The following ZRSR2 variants were observed in gnomAD, a reference collection of about 807,000 sequenced individuals.
ZRSR2 encodes the protein zinc finger CCCH-type, RNA binding motif and serine/arginine rich 2.
A neutral mutation model predicts 39.4 loss-of-function variants in ZRSR2; 3 were observed. The ratio of observed to expected loss-of-function variants is 0.08; its 90% CI spans 0.03 to 0.20. The LOEUF (loss-of-function observed/expected upper bound fraction) is 0.20. Ranked by LOEUF, ZRSR2 falls within the 10% of genes least tolerant of loss-of-function variation. The probability of loss-of-function intolerance (pLI) is 1.00; values close to 1 mark genes in which losing one functional copy is unlikely to be tolerated. For missense variants in ZRSR2, 256 were observed against 391.5 expected (o/e 0.65, Z 2.92); for synonymous variants, 137 against 136.0 (o/e 1.01, Z -0.05).
intron 5 of ZRSR2, among the ~76,000 whole-genome samples, chrX:15,805,436 G>A (rs967600344): frequency 1.8e-5 from 2 of 111,949 alleles, no homozygotes; most frequent in Non-Finnish European, 3.8e-5. Flanking sequence ...AAGGAGAAAT[G>A]AGGGAAATGA....
At chrX:15,793,200 T>TA (rs1932338509) in intron 2 of ZRSR2, among the ~76,000 whole-genome samples, 1 of 112,442 alleles carries the variant, frequency 8.9e-6, no homozygotes, top group Non-Finnish European at 1.9e-5. Context: ...TTCTAAATAT[T>TA]ATATATTCTA....
In ZRSR2 at chrX:15,797,716, A is replaced by G. The variant is rs141778619; in HGVS notation, c.122-2156A>G. 6.6e-3 allele frequency among the ~76,000 whole-genome samples: 725 copies of G among 110,236 alleles called. 3 individuals are homozygous for G. Among genetic ancestry groups the G allele is most frequent in the East Asian group, 8.5e-3 (30 of 3,541 alleles). ...GTGTGTTTACTGAAAAAAAATCTGT[A>G]TTTAAATAGACCAAGGTGGTTCAAA... is the stretch of plus-strand genomic sequence containing the variant. On this transcript the variant is annotated intron_variant, in intron 2 of 10. Coordinates refer to ENST00000307771, the MANE Select transcript of ZRSR2 (RefSeq NM_005089.4).
intron 1 of ZRSR2, 43 bp downstream of exon 1, chrX:15,790,579 G>C: frequency 4.3e-6 from 5 of 1,153,400 alleles, no homozygotes; most frequent in Non-Finnish European, 5.8e-6. Context: ...CGGGCCGATC[G>C]TGGGCATGGA....
intron 7 of ZRSR2, among the ~76,000 whole-genome samples, chrX:15,811,152 T>C (rs1051985580): frequency 2.7e-5 from 3 of 111,171 alleles, no homozygotes; most frequent in African/African-American, 9.8e-5. Flanking sequence ...AGAGACTTTA[T>C]TCCCTTTGAT....
intron 8 of ZRSR2, among the ~76,000 whole-genome samples, chrX:15,817,921 T>C (rs1933010920): frequency 8.9e-6 from 1 of 112,540 alleles, no homozygotes; most frequent in Non-Finnish European, 1.9e-5. Context: ...ACTATTGATA[T>C]AAAATTTTAA....
intron 2 of ZRSR2, among the ~76,000 whole-genome samples, chrX:15,798,359 T>G (rs1037937944): frequency 8.9e-6 from 1 of 112,295 alleles, no homozygotes. Context: ...ATGTTTTTAT[T>G]TGGGAAATGT....
chrX:15,791,960 C>T (rs1367384241), intron 2 of ZRSR2, among the ~76,000 whole-genome samples: 2 of 112,034 alleles, frequency 1.8e-5, no homozygotes, highest in Non-Finnish European at 3.8e-5. Context: ...CCGCCCCTGG[C>T]CCACCTGGCT....
At chrX:15,820,696 CTGTT>C (rs1163526635) in intron 10 of ZRSR2, among the ~76,000 whole-genome samples, 9 of 112,276 alleles carry the variant, frequency 8.0e-5, no homozygotes, top group East Asian at 5.6e-4. Flanking sequence ...TTCACTTGAG[CTGTT>C]TGTTTGTTTC....
At chrX:15,792,486 G>A (rs1035734047) in intron 2 of ZRSR2, among the ~76,000 whole-genome samples, 5 of 111,867 alleles carry the variant, frequency 4.5e-5, no homozygotes, top group Non-Finnish European at 9.4e-5. Flanking sequence ...TTACACATTC[G>A]GTAAAATTTA....
rs1333101320 is a variant in ZRSR2 at position 15,799,732 on chromosome X, T to C, written c.122-140T>C. ...CTTGTGTTGTACCAAAGAAGGTTGA[T>C]CAGAGACCTTTTTGTTAGAAAGTTT... On this transcript the variant is annotated intron_variant, in intron 2 of 10. Coordinates refer to ENST00000307771, the MANE Select transcript of ZRSR2 (RefSeq NM_005089.4). The C allele has an allele frequency of 3.0e-5, 12 of 401,964 alleles. No individual in the cohort carries two copies. The East Asian group carries it at 4.9e-4, about 16-fold the overall frequency. The allele number at this position is 401,964 out of a possible 1,213,427, so 33.1% of individuals were successfully genotyped here.
intron 8 of ZRSR2, among the ~76,000 whole-genome samples, chrX:15,816,842 T>C: frequency 8.9e-6 from 1 of 112,339 alleles, no homozygotes; most frequent in Non-Finnish European, 1.9e-5. Context: ...ATCAACCGAC[T>C]TCAAGATTTT....
intron 10 of ZRSR2, 52 bp from the exon 11 acceptor site, chrX:15,822,679 C>T: frequency 5.8e-6 from 7 of 1,208,068 alleles, no homozygotes; most frequent in Non-Finnish European, 5.6e-6. Flanking sequence ...GATAAAGTAG[C>T]ATCTTCAGAA....
At chrX:15,813,582 G>A (rs1373064551) in intron 7 of ZRSR2, among the ~76,000 whole-genome samples, 1 of 112,372 alleles carries the variant, frequency 8.9e-6, no homozygotes, top group Non-Finnish European at 1.9e-5. Flanking sequence ...AGGGACTTTG[G>A]TTCTATTCCA....
At chrX:15,812,147 T>C (rs1932895715) in intron 7 of ZRSR2, among the ~76,000 whole-genome samples, 1 of 110,723 alleles carries the variant, frequency 9.0e-6, no homozygotes, top group Non-Finnish European at 1.9e-5. Context: ...GCCAGGATGG[T>C]CTCGATCTCC....
chrX:15,797,297 A>G (rs1601808395), intron 2 of ZRSR2, among the ~76,000 whole-genome samples: 1 of 92,385 alleles, frequency 1.1e-5, no homozygotes, highest in Non-Finnish European at 2.1e-5. Context: ...TGCAACCTCC[A>G]CCTCCCGGGT....
At chrX:15,807,482 G>A (rs976663673) in intron 5 of ZRSR2, among the ~76,000 whole-genome samples, 4 of 107,780 alleles carry the variant, frequency 3.7e-5, no homozygotes, top group Non-Finnish European at 7.7e-5. Context: ...TAGTGACGGG[G>A]TTTCACCGTC....
At chrX:15,805,280 T>C (rs1024263435) in intron 5 of ZRSR2, among the ~76,000 whole-genome samples, 1 of 111,725 alleles carries the variant, frequency 9.0e-6, no homozygotes, top group Non-Finnish European at 1.9e-5. Flanking sequence ...GCAGAAAAAT[T>C]GTTTGGAACT....
At chrX:15,821,342 A>C (rs954430983) in intron 10 of ZRSR2, among the ~76,000 whole-genome samples, 3 of 110,215 alleles carry the variant, frequency 2.7e-5, no homozygotes, top group Non-Finnish European at 3.8e-5. Context: ...AAAAAAAAAA[A>C]AACACTTTAT....
intron 9 of ZRSR2, 90 bp downstream of exon 9, chrX:15,818,732 TAA>T: frequency 1.5e-6 from 1 of 688,971 alleles, no homozygotes; most frequent in East Asian, 3.6e-5. Flanking sequence ...ACTGGATATA[TAA>T]CTTTCATGTA....
Sources: gnomAD v4.1 joint callset for allele counts (sites outside exome capture counted in the v4.1 genomes callset) on GRCh38, gnomAD v4.1.1 for gene constraint, MANE v1.5 for transcripts, NCBI Gene and HGNC (gene_info 2026-07-23, HGNC 2026-07-21) for gene names.